The following SAMD5 variants were observed in gnomAD, a reference collection of about 807,000 sequenced individuals.
SAMD5 encodes sterile alpha motif domain containing 5.
In SAMD5, 13 loss-of-function variants were observed where a neutral mutation model predicts 11.3. The observed-to-expected ratio is 1.15, with a 90% CI of 0.75 to 1.83. The LOEUF is 1.83. Ranked by LOEUF, SAMD5 falls within the 40% of genes most tolerant of loss-of-function variation. The probability of loss-of-function intolerance (pLI) is 0.00; values close to 1 mark genes in which losing one functional copy is unlikely to be tolerated. For missense variants in SAMD5, 255 were observed against 239.1 expected (o/e 1.07, Z -0.44); for synonymous variants, 129 against 111.3 (o/e 1.16, Z -1.00).
At chr6:147,953,881 A>T in the SAMD5 span, 1 of 152,226 alleles carries the variant, frequency 6.6e-6, no homozygotes, top group Admixed American at 6.5e-5. Context: ...ATGAAATTTG[A>T]ACTTCATATT....
chr6:147,572,221 T>A (rs535772199), downstream of SAMD5, among the ~76,000 whole-genome samples: 1 of 150,730 alleles, frequency 6.6e-6, no homozygotes, highest in East Asian at 1.9e-4. Flanking sequence ...TCGGGGAACC[T>A]GAAGGAACCA....
chr6:147,842,677 TTG>T, the SAMD5 span, among the ~76,000 whole-genome samples: 2 of 152,276 alleles, frequency 1.3e-5, no homozygotes, highest in African/African-American at 2.4e-5. Context: ...TTTATTTGGA[TTG>T]TAAATGTAGG....
chr6:147,805,742 C>T, the SAMD5 span, among the ~76,000 whole-genome samples: 94 of 151,970 alleles, frequency 6.2e-4, 1 homozygote, highest in Non-Finnish European at 1.0e-4. Context: ...AGAGTATTGG[C>T]TGAGATCTAA....
intron 1 of SAMD5, among the ~76,000 whole-genome samples, chr6:147,560,822 C>T (rs1788935602): frequency 6.6e-6 from 1 of 152,162 alleles, no homozygotes; most frequent in Non-Finnish European, 1.5e-5. Context: ...GGAGATTTGG[C>T]ATAGGAGAAC....
the SAMD5 span, among the ~76,000 whole-genome samples, chr6:147,875,674 C>T: frequency 6.6e-6 from 1 of 152,076 alleles, no homozygotes; most frequent in Non-Finnish European, 1.5e-5. Context: ...ACCGCCTGAG[C>T]TCCACTCCTG....
chr6:147,797,413 G>A, the SAMD5 span, among the ~76,000 whole-genome samples: 1 of 105,144 alleles, frequency 9.5e-6, no homozygotes, highest in Non-Finnish European at 1.7e-5. Flanking sequence ...TCCCAGGGAT[G>A]AAGCCCACTT....
At chr6:147,634,082 G>A (rs73587483) in intron 1 of SAMD5, among the ~76,000 whole-genome samples, 5,318 of 152,140 alleles carry the variant, frequency 0.035, 316 homozygotes, top group African/African-American at 0.12. Flanking sequence ...ATCGTACAAT[G>A]GGTAGTCTTT....
chr6:147,593,386 A>G (rs1425250545), intron 1 of SAMD5, among the ~76,000 whole-genome samples: 1 of 152,150 alleles, frequency 6.6e-6, no homozygotes, highest in Non-Finnish European at 1.5e-5. Context: ...GGCTAAGGGG[A>G]AGGGGTGAGA....
At chr6:147,742,039 A>G (rs1791886139), downstream of SAMD5, among the ~76,000 whole-genome samples, 2 of 152,228 alleles carry the variant, frequency 1.3e-5, no homozygotes, top group African/African-American at 4.8e-5. Flanking sequence ...GACTGACAAT[A>G]TTGTTGAAAT....
chr6:147,619,495 T>TA (rs1448796038), intron 1 of SAMD5, among the ~76,000 whole-genome samples: 3 of 152,226 alleles, frequency 2.0e-5, no homozygotes, highest in African/African-American at 7.2e-5. Context: ...CTTGTGAGGA[T>TA]ACGTTTAAGT....
At chr6:147,647,012 AAT>A (rs869185480) in intron 1 of SAMD5, among the ~76,000 whole-genome samples, 5 of 118,796 alleles carry the variant, frequency 4.2e-5, no homozygotes, top group African/African-American at 9.5e-5. Context: ...TAATAATAAT[AAT>A]AAAATAGCTG....
chr6:147,804,057 T>C, the SAMD5 span, among the ~76,000 whole-genome samples: 18 of 152,262 alleles, frequency 1.2e-4, no homozygotes, highest in African/African-American at 3.6e-4. Context: ...AGCCACAGCA[T>C]GTTGGCCATG....
the SAMD5 span, among the ~76,000 whole-genome samples, chr6:147,913,296 G>C: frequency 6.6e-6 from 1 of 152,120 alleles, no homozygotes; most frequent in Admixed American, 6.5e-5. Context: ...TAGGGGTAGG[G>C]GCAGAATTTC....
the SAMD5 span, among the ~76,000 whole-genome samples, chr6:147,918,186 T>C: frequency 6.6e-6 from 1 of 152,220 alleles, no homozygotes; most frequent in Non-Finnish European, 1.5e-5. Context: ...TGATTCTTCC[T>C]AACCATGAGC....
the SAMD5 span, among the ~76,000 whole-genome samples, chr6:147,774,883 T>TCA: frequency 2.0e-5 from 3 of 151,934 alleles, no homozygotes; most frequent in Non-Finnish European, 4.4e-5. Flanking sequence ...CACCTCCTCT[T>TCA]CACACACACA....
At chr6:147,883,026 T>G in the SAMD5 span, among the ~76,000 whole-genome samples, 1 of 152,236 alleles carries the variant, frequency 6.6e-6, no homozygotes, top group Non-Finnish European at 1.5e-5. Context: ...AATGTAGGTT[T>G]TTATGATTCT....
At chr6:147,818,914 T>A in the SAMD5 span, among the ~76,000 whole-genome samples, 1 of 152,178 alleles carries the variant, frequency 6.6e-6, no homozygotes, top group Non-Finnish European at 1.5e-5. Flanking sequence ...TGGAAAGCAG[T>A]GTGGCGATTA....
chr6:147,811,644 G>T, the SAMD5 span, among the ~76,000 whole-genome samples: 2 of 152,186 alleles, frequency 1.3e-5, no homozygotes, highest in Non-Finnish European at 2.9e-5. Context: ...CCAGAGAAGA[G>T]GGGGAGGGGG....
At chr6:147,766,114 A>AC in the SAMD5 span, among the ~76,000 whole-genome samples, 2 of 149,492 alleles carry the variant, frequency 1.3e-5, no homozygotes, top group African/African-American at 4.9e-5. Flanking sequence ...GAAAAAAAAA[A>AC]ACACAAAAAA....
Sources: allele counts gnomAD v4.1 joint callset (sites outside exome capture counted in the v4.1 genomes callset), GRCh38; gene constraint gnomAD v4.1.1; transcripts MANE v1.5; gene names NCBI Gene and HGNC (gene_info 2026-07-23, HGNC 2026-07-21).